The following VWA3A variants were observed in gnomAD, a reference collection of about 807,000 sequenced individuals.
The protein encoded by VWA3A is von Willebrand factor A domain containing 3A, also known as von Willebrand factor A domain-containing protein 3A.
In VWA3A, 134 loss-of-function variants were observed where a neutral mutation model predicts 160.4. That is an observed-to-expected ratio of 0.84 (90% CI 0.73 to 0.96). The LOEUF (loss-of-function observed/expected upper bound fraction) is 0.96, where lower values mean the gene tolerates loss of function less well. VWA3A is among the 40% of genes least tolerant of loss of function. VWA3A has a pLI of 0.00. For missense variants in VWA3A, 1,310 were observed against 1,447.9 expected, an observed-to-expected ratio of 0.90 and a Z score of 1.55; for synonymous variants, 476 against 543.4, an observed-to-expected ratio of 0.88 and a Z score of 1.72.
intron 8 of VWA3A, among the ~76,000 whole-genome samples, chr16:22,114,893 G>A (rs977961083): frequency 6.6e-5 from 10 of 151,330 alleles, no homozygotes; most frequent in East Asian, 2.0e-4. Context: ...GCAACCTTCC[G>A]CCTCTGGAGT....
Position 22,123,074 on chromosome 16 carries a change from C to T in VWA3A, c.1357-11C>T. ...TCGCCTGCTCACCCTCCTGCCCATG[C>T]CTGAGTATAGAAGGCAATGATACAA... On this transcript the variant is annotated splice_polypyrimidine_tract_variant and intron_variant, in intron 14 of 33. Transcript: ENST00000389398. 1 of 1,591,954 alleles carries T rather than the reference C, an allele frequency of 6.3e-7. No individual in the cohort carries two copies. Among genetic ancestry groups the T allele is most frequent in the Non-Finnish European group, 8.6e-7 (1 of 1,168,402 alleles).
At chr16:22,134,491 G>A (rs2141970417) in intron 21 of VWA3A, 53 bp downstream of exon 21, 6 of 1,466,392 alleles carry the variant, frequency 4.1e-6, no homozygotes, top group Non-Finnish European at 5.6e-6. Context: ...TTCATTTCCT[G>A]GGGCTACCAT....
At chr16:22,146,644 C>T (rs894696008) in intron 27 of VWA3A, among the ~76,000 whole-genome samples, 2 of 152,038 alleles carry the variant, frequency 1.3e-5, no homozygotes, top group Non-Finnish European at 2.9e-5. Flanking sequence ...ATTAGCCAGG[C>T]ATGGTGGCGG....
chr16:22,138,220 A>G (rs2046078986), intron 21 of VWA3A, 140 bp from the exon 22 acceptor site: 2 of 966,304 alleles, frequency 2.1e-6, no homozygotes, highest in Admixed American at 2.9e-5. Context: ...TTTCAGCCCC[A>G]GGTGGCTTTC....
intron 17 of VWA3A, among the ~76,000 whole-genome samples, chr16:22,129,250 G>T (rs542545808): frequency 6.6e-6 from 1 of 151,832 alleles, no homozygotes; most frequent in Non-Finnish European, 1.5e-5. Flanking sequence ...TTAGCCAGGC[G>T]TGGTGGTGGG....
intron 6 of VWA3A, among the ~76,000 whole-genome samples, chr16:22,107,867 C>T (rs2045503355): frequency 1.3e-5 from 2 of 152,040 alleles, no homozygotes; most frequent in Non-Finnish European, 2.9e-5. Flanking sequence ...AGTATTGTGA[C>T]TTTGGAACAA....
chr16:22,111,666 A>G (rs2045553841), intron 8 of VWA3A, among the ~76,000 whole-genome samples: 1 of 152,060 alleles, frequency 6.6e-6, no homozygotes, highest in Non-Finnish European at 1.5e-5. Flanking sequence ...ATTTTTTGGT[A>G]GAGACAGGGT....
Position 22,102,483 on chromosome 16 carries a change from C to G in VWA3A, c.429-992C>G, listed in dbSNP as rs185532421. On this transcript the variant is annotated intron_variant, in intron 5 of 33. Coordinates refer to ENST00000389398, the MANE Select transcript of VWA3A (RefSeq NM_173615.5). ...TTCCAAAGACCTTTTTTGTCCCTCT[C>G]TAGGCCCCCAAATCTCACCTGCCCC... 4.6e-5 allele frequency among the ~76,000 whole-genome samples: 7 copies of G among 152,248 alleles called. No homozygotes were observed. In the East Asian group the frequency reaches 1.3e-3, roughly 29 times the overall value.
At chr16:22,123,797 C>A in intron 16 of VWA3A, 90 bp downstream of exon 16, 3 of 1,238,602 alleles carry the variant, frequency 2.4e-6, no homozygotes, top group Non-Finnish European at 2.3e-6. Context: ...TTGGTAGCAT[C>A]AGAAGCCATC....
intron 6 of VWA3A, among the ~76,000 whole-genome samples, chr16:22,106,106 C>T (rs376017424): frequency 9.2e-5 from 14 of 152,140 alleles, no homozygotes; most frequent in East Asian, 1.9e-4. Flanking sequence ...TGGTTGAGGC[C>T]GGGCGTGGTG....
chr16:22,126,716 A>G (rs989536741), intron 17 of VWA3A, among the ~76,000 whole-genome samples: 1 of 152,160 alleles, frequency 6.6e-6, no homozygotes, highest in African/African-American at 2.4e-5. Context: ...AAAACTGTAT[A>G]TATAAATTTG....
At chr16:22,119,083 T>C in intron 12 of VWA3A, 56 bp downstream of exon 12, 1 of 1,537,198 alleles carries the variant, frequency 6.5e-7, no homozygotes, top group Admixed American at 2.0e-5. Context: ...TCAGCTGGCC[T>C]CGTTCCCCTT....
intron 3 of VWA3A, 74 bp downstream of exon 3, chr16:22,097,769 G>T (rs2045348818): frequency 6.6e-7 from 1 of 1,521,242 alleles, no homozygotes; most frequent in African/African-American, 1.4e-5. Flanking sequence ...GTTAAATTCT[G>T]GGGATTTCTT....
chr16:22,132,957 G>C lies in VWA3A; in HGVS notation c.1930G>C (p.Val644Leu), dbSNP rs370201268. 1 of 1,613,886 alleles carries C rather than the reference G, an allele frequency of 6.2e-7. No homozygotes were observed. Among genetic ancestry groups the C allele is most frequent in the Non-Finnish European group, 8.5e-7 (1 of 1,179,896 alleles). The change falls in exon 20 of 34, where the codon GTG becomes CTG. Residue 644 changes from valine to leucine, a missense_variant. Transcript: ENST00000389398. ...ACGGCDLQLN[V>L]CLFYVGEPKM... ...TGGCGGCTGCGACCTCCAGCTGAAC[G>C]TGTGTCTCTTCTACGTGGGCGAGCC...
intron 5 of VWA3A, among the ~76,000 whole-genome samples, chr16:22,101,434 T>C (rs898117159): frequency 3.9e-5 from 6 of 152,182 alleles, no homozygotes; most frequent in African/African-American, 1.4e-4. Context: ...CACATGTGTA[T>C]TAGTCCATTT....
rs2045979078 is a variant in VWA3A, at chr16:22,133,104, C to T, written c.2068+9C>T. 1.2e-6 allele frequency: 2 copies of T among 1,608,774 alleles called. No individual in the cohort carries two copies. The highest frequency in any genetic ancestry group is 1.1e-5 in the South Asian group (1 of 90,006). ...CTGGTTTGGAGACACAGGTACATGA[C>T]TGTTTCCTCATCCCTTCAGCTCATT... On this transcript the variant is annotated intron_variant, in intron 20 of 33. Transcript: ENST00000389398.
chr16:22,096,032 A>C (rs2045315829), intron 1 of VWA3A, among the ~76,000 whole-genome samples: 1 of 152,226 alleles, frequency 6.6e-6, no homozygotes, highest in African/African-American at 2.4e-5. Context: ...TCTGCTGTCC[A>C]TGAGACATTA....
At position 22,123,674 on chromosome 16, in the gene VWA3A, G is replaced by A; in HGVS notation, c.1499G>A (p.Ser500Asn). The change falls in exon 16 of 34, where the codon AGC (serine) becomes AAC (asparagine). Residue 500 changes from serine to asparagine, a missense_variant. Transcript: ENST00000389398. ...ERRIEWLSLA[S>N]RRIWGTVCEK... ...CGGATTGAGTGGCTCTCCCTGGCCA[G>A]CAGAAGAATCTGGGGCACAGTCTGT... 1.9e-6 allele frequency: 3 copies of A among 1,613,948 alleles called. No homozygotes were observed. The highest frequency in any genetic ancestry group is 2.5e-6 in the Non-Finnish European group (3 of 1,179,850).
intron 1 of VWA3A, among the ~76,000 whole-genome samples, chr16:22,095,544 G>A (rs934001484): frequency 6.6e-6 from 1 of 152,008 alleles, no homozygotes; most frequent in Non-Finnish European, 1.5e-5. Context: ...GTGTAACATT[G>A]GATTTGGGTG....
Sources: gnomAD v4.1 joint callset for allele counts (sites outside exome capture counted in the v4.1 genomes callset) on GRCh38, gnomAD v4.1.1 for gene constraint, MANE v1.5 for transcripts, NCBI Gene and HGNC (gene_info 2026-07-23, HGNC 2026-07-21) for gene names.